Variants in ENTREP2 observed in about 807,000 individuals in gnomAD.
ENTREP2 encodes the protein endosomal transmembrane epsin interactor 2, also known as protein ENTREP2.
At chr15:29,216,479 T>C in the ENTREP2 span, among the ~76,000 whole-genome samples, 1 of 152,326 alleles carries the variant, frequency 6.6e-6, no homozygotes, top group East Asian at 1.9e-4. Context: ...TTCCCAGGTG[T>C]TCTTTGTGTT....
the ENTREP2 span, among the ~76,000 whole-genome samples, chr15:29,325,299 T>C: frequency 5.9e-5 from 9 of 151,400 alleles, 1 homozygote; most frequent in Non-Finnish European, 1.3e-4. Flanking sequence ...AATCCAAGCA[T>C]AAAGCAAACA....
chr15:29,643,057 C>T, the ENTREP2 span, among the ~76,000 whole-genome samples: 5 of 152,052 alleles, frequency 3.3e-5, no homozygotes, highest in Admixed American at 6.5e-5. Context: ...GCTAAAACTA[C>T]GGAATTCTTA....
At chr15:29,215,003 T>C in the ENTREP2 span, among the ~76,000 whole-genome samples, 1 of 152,228 alleles carries the variant, frequency 6.6e-6, no homozygotes, top group East Asian at 1.9e-4. Context: ...TGACTTTTTG[T>C]CTTGATGACC....
the ENTREP2 span, among the ~76,000 whole-genome samples, chr15:29,476,701 G>A: frequency 6.6e-6 from 1 of 152,204 alleles, no homozygotes; most frequent in South Asian, 2.1e-4. Flanking sequence ...CCTGGAAGCA[G>A]GGGACGAGTG....
At chr15:29,328,626 T>C in the ENTREP2 span, among the ~76,000 whole-genome samples, 1 of 152,208 alleles carries the variant, frequency 6.6e-6, no homozygotes, top group Non-Finnish European at 1.5e-5. Context: ...TAAATTTGTT[T>C]CCCAGGTGGG....
the ENTREP2 span, among the ~76,000 whole-genome samples, chr15:29,440,613 T>C: frequency 6.6e-6 from 1 of 152,318 alleles, no homozygotes; most frequent in East Asian, 1.9e-4. Flanking sequence ...CCATTCTGTG[T>C]GTTCCTGTTC....
At chr15:29,535,090 G>A in the ENTREP2 span, among the ~76,000 whole-genome samples, 1,774 of 151,700 alleles carry the variant, frequency 0.012, 30 homozygotes, top group African/African-American at 0.041. Flanking sequence ...ATAAAAAAAA[G>A]AACTTAAAAA....
chr15:29,432,325 C>T, the ENTREP2 span, among the ~76,000 whole-genome samples: 5 of 152,186 alleles, frequency 3.3e-5, no homozygotes, highest in Admixed American at 2.6e-4. Flanking sequence ...TCTGTCTGCC[C>T]CGCACGCCTG....
chr15:29,466,992 G>A, the ENTREP2 span, among the ~76,000 whole-genome samples: 17 of 130,948 alleles, frequency 1.3e-4, no homozygotes, highest in Non-Finnish European at 2.3e-4. Context: ...GGGAGGGCCC[G>A]GGGAGGATGC....
the ENTREP2 span, among the ~76,000 whole-genome samples, chr15:29,152,763 T>C: frequency 3.0e-4 from 45 of 152,378 alleles, no homozygotes; most frequent in Admixed American, 6.5e-4. Flanking sequence ...TATAGGTTTT[T>C]GTGTGAACAT....
chr15:29,285,284 T>C, the ENTREP2 span, among the ~76,000 whole-genome samples: 12 of 152,172 alleles, frequency 7.9e-5, no homozygotes, highest in Non-Finnish European at 1.0e-4. Context: ...CCTTTTCTCT[T>C]GCTCTCCATG....
At chr15:29,457,271 A>G in the ENTREP2 span, among the ~76,000 whole-genome samples, 2 of 152,214 alleles carry the variant, frequency 1.3e-5, no homozygotes, top group Non-Finnish European at 2.9e-5. Flanking sequence ...CTTGGTGCAG[A>G]GCAGGCATGG....
the ENTREP2 span, among the ~76,000 whole-genome samples, chr15:29,625,239 T>C: frequency 2.6e-5 from 4 of 152,158 alleles, no homozygotes; most frequent in African/African-American, 7.2e-5. Flanking sequence ...TTTTCTTTTA[T>C]GGATGAACCA....
At chr15:29,658,153 G>C in the ENTREP2 span, among the ~76,000 whole-genome samples, 1 of 152,262 alleles carries the variant, frequency 6.6e-6, no homozygotes, top group Non-Finnish European at 1.5e-5. Context: ...GGAGATAATT[G>C]AATCATGGAG....
At chr15:29,228,911 C>A in the ENTREP2 span, among the ~76,000 whole-genome samples, 2 of 152,046 alleles carry the variant, frequency 1.3e-5, no homozygotes, top group African/African-American at 4.8e-5. Flanking sequence ...ATAACTATAT[C>A]CTTAGCTATC....
At chr15:29,604,728 T>C in the ENTREP2 span, among the ~76,000 whole-genome samples, 2 of 152,196 alleles carry the variant, frequency 1.3e-5, no homozygotes, top group African/African-American at 4.8e-5. Context: ...GCTATTTCCC[T>C]AGGAAAAAAA....
chr15:29,478,007 A>AT, the ENTREP2 span, among the ~76,000 whole-genome samples: 1 of 73,640 alleles, frequency 1.4e-5, no homozygotes, highest in Non-Finnish European at 2.4e-5. Context: ...ATATATATAT[A>AT]TATATATATA....
the ENTREP2 span, among the ~76,000 whole-genome samples, chr15:29,158,643 G>C: frequency 6.6e-6 from 1 of 152,178 alleles, no homozygotes; most frequent in South Asian, 2.1e-4. Context: ...CTTTTTGAAA[G>C]TTTTATCAGA....
chr15:29,234,947 T>A, the ENTREP2 span: 6 of 1,527,084 alleles, frequency 3.9e-6, no homozygotes, highest in Non-Finnish European at 5.4e-6. Flanking sequence ...TAAAATATAT[T>A]CTCCAGTGTC....
Sources: gnomAD v4.1 joint callset for allele counts (sites outside exome capture counted in the v4.1 genomes callset) on GRCh38, gnomAD v4.1.1 for gene constraint, MANE v1.5 for transcripts, NCBI Gene and HGNC (gene_info 2026-07-23, HGNC 2026-07-21) for gene names.